The following GRM8 variants were observed in gnomAD, a reference collection of about 807,000 sequenced individuals.
GRM8 encodes the protein metabotropic glutamate receptor 8.
GRM8 carries 47 observed loss-of-function variants against 87.2 expected under a neutral mutation model. The ratio of observed to expected loss-of-function variants is 0.54; its 90% confidence interval spans 0.43 to 0.69. The LOEUF (loss-of-function observed/expected upper bound fraction) is 0.69. Among genes scored for constraint, GRM8 ranks in the 30% least tolerant of loss-of-function variants. The pLI is 0.00. For synonymous variants in GRM8, 396 were observed against 404.5 expected, an observed-to-expected ratio of 0.98 and a Z score of 0.25; for missense variants, 1,019 against 1,139.2, an observed-to-expected ratio of 0.89 and a Z score of 1.52.
At chr7:126,825,437 T>A (rs1033470117) in intron 6 of GRM8, among the ~76,000 whole-genome samples, 1 of 152,190 alleles carries the variant, frequency 6.6e-6, no homozygotes, top group Non-Finnish European at 1.5e-5. Context: ...TTGTTATACC[T>A]AACTAACAAT....
chr7:126,528,913 C>T (rs1584952937), intron 9 of GRM8, among the ~76,000 whole-genome samples: 3 of 152,302 alleles, frequency 2.0e-5, no homozygotes, highest in Middle Eastern at 6.8e-3. Context: ...TCTTACTCCA[C>T]TGGCACACCT....
intron 7 of GRM8, among the ~76,000 whole-genome samples, chr7:126,763,468 T>TAC (rs1554483375): frequency 1.3e-3 from 66 of 52,042 alleles, no homozygotes; most frequent in African/African-American, 3.1e-3. Flanking sequence ...TATATATATA[T>TAC]ATATACACAC....
chr7:126,816,470 T>C (rs962817204), intron 6 of GRM8, among the ~76,000 whole-genome samples: 4 of 152,152 alleles, frequency 2.6e-5, no homozygotes, highest in African/African-American at 9.6e-5. Flanking sequence ...GTACCCATAA[T>C]GTAGGAAAGT....
At chr7:126,633,710 T>G (rs918524069) in intron 7 of GRM8, among the ~76,000 whole-genome samples, 2 of 152,104 alleles carry the variant, frequency 1.3e-5, no homozygotes, top group African/African-American at 4.8e-5. Flanking sequence ...ATTTTTTGTA[T>G]GTTAAAATAA....
At chr7:126,797,701 G>A (rs1822120197) in intron 6 of GRM8, among the ~76,000 whole-genome samples, 1 of 152,026 alleles carries the variant, frequency 6.6e-6, no homozygotes, top group African/African-American at 2.4e-5. Context: ...GGGGGAGAGT[G>A]TTGAAAAATT....
rs138249382 is a variant in GRM8 at position 126,789,413 on chromosome 7, G to A, written c.1157-19348C>T. On this transcript the variant is annotated intron_variant, in intron 6 of 10. Coordinates refer to ENST00000339582, the MANE Select transcript of GRM8 (RefSeq NM_000845.3). ...TCAGCTTCCATGTTATAAATTTATG[G>A]TATCTTAAAGCTTTTTATCTTTGCT... is the stretch of plus-strand genomic sequence containing the variant. Among the ~76,000 whole-genome samples the A allele has an allele frequency of 7.9e-5, 12 of 152,184 alleles. No homozygotes were observed. In the East Asian group the frequency reaches 2.1e-3, roughly 27 times the overall value.
intron 6 of GRM8, among the ~76,000 whole-genome samples, chr7:126,886,481 G>A (rs1800511994): frequency 6.6e-6 from 1 of 152,130 alleles, no homozygotes; most frequent in Admixed American, 6.6e-5. Context: ...TGCAATGGCT[G>A]CAGTAGTGGG....
intron 2 of GRM8, among the ~76,000 whole-genome samples, chr7:127,223,444 C>T (rs1337043278): frequency 1.9e-4 from 2 of 10,592 alleles, no homozygotes; most frequent in South Asian, 2.0e-3. Context: ...CACACACACG[C>T]ACACACACAC....
intron 8 of GRM8, among the ~76,000 whole-genome samples, chr7:126,596,297 T>C (rs1585164872): frequency 6.6e-6 from 1 of 152,208 alleles, no homozygotes; most frequent in Admixed American, 6.6e-5. Flanking sequence ...ATTCCCATTT[T>C]CTCCATAACC....
At chr7:126,454,305 AGGC>A (rs1802978361) in intron 9 of GRM8, among the ~76,000 whole-genome samples, 1 of 151,750 alleles carries the variant, frequency 6.6e-6, no homozygotes, top group Admixed American at 6.6e-5. Flanking sequence ...TTTAAATTTT[AGGC>A]TAAATAATAA....
chr7:126,912,114 G>A (rs1011187019), intron 3 of GRM8, among the ~76,000 whole-genome samples: 6 of 151,970 alleles, frequency 3.9e-5, no homozygotes, highest in Non-Finnish European at 5.9e-5. Flanking sequence ...GGAGAACGGC[G>A]TGAACCCGGG....
intron 3 of GRM8, among the ~76,000 whole-genome samples, chr7:127,005,787 T>C (rs1814227266): frequency 1.3e-5 from 2 of 151,840 alleles, no homozygotes; most frequent in Admixed American, 1.3e-4. Context: ...TGCTCCCTAC[T>C]TGCACCTCAG....
At chr7:126,817,258 C>T (rs1189365208) in intron 6 of GRM8, among the ~76,000 whole-genome samples, 1 of 152,110 alleles carries the variant, frequency 6.6e-6, no homozygotes, top group Non-Finnish European at 1.5e-5. Context: ...TCCATTAATA[C>T]CTACCTTCAC....
intron 2 of GRM8, among the ~76,000 whole-genome samples, chr7:127,184,570 C>G (rs1295018305): frequency 6.6e-6 from 1 of 151,904 alleles, no homozygotes; most frequent in Admixed American, 6.6e-5. Context: ...TCTCTAAGAT[C>G]ATGAACAAGG....
chr7:126,520,387 T>C (rs1274972392), intron 9 of GRM8, among the ~76,000 whole-genome samples: 1 of 152,088 alleles, frequency 6.6e-6, no homozygotes, highest in Admixed American at 6.6e-5. Flanking sequence ...TTTCACAATT[T>C]GGGTTTTGGA....
At chr7:126,778,858 A>C (rs1233873502) in intron 6 of GRM8, among the ~76,000 whole-genome samples, 1 of 152,144 alleles carries the variant, frequency 6.6e-6, no homozygotes, top group Non-Finnish European at 1.5e-5. Flanking sequence ...TTAAATTACA[A>C]AAGTAATACA....
At chr7:126,534,205 A>G (rs1027902341) in intron 8 of GRM8, among the ~76,000 whole-genome samples, 19 of 152,196 alleles carry the variant, frequency 1.2e-4, no homozygotes, top group Admixed American at 3.9e-4. Flanking sequence ...ATACAAAAAA[A>G]TAAGAAGAAG....
At chr7:127,183,348 T>A (rs1284069536) in intron 2 of GRM8, among the ~76,000 whole-genome samples, 3 of 151,608 alleles carry the variant, frequency 2.0e-5, no homozygotes, top group Non-Finnish European at 4.4e-5. Flanking sequence ...ACTAAGTATG[T>A]TTTCAGATCA....
intron 3 of GRM8, among the ~76,000 whole-genome samples, chr7:126,943,215 G>A (rs960059855): frequency 6.6e-6 from 1 of 152,168 alleles, no homozygotes. Flanking sequence ...GAGTCACCAA[G>A]TTTTCAGGAA....
Sources: gnomAD v4.1 joint callset for allele counts (sites outside exome capture counted in the v4.1 genomes callset) on GRCh38, gnomAD v4.1.1 for gene constraint, MANE v1.5 for transcripts, NCBI Gene and HGNC (gene_info 2026-07-23, HGNC 2026-07-21) for gene names.